Variants in ESR1 observed in about 807,000 individuals in gnomAD.
The protein encoded by ESR1 is estrogen receptor 1.
A neutral mutation model predicts 52.7 loss-of-function variants in ESR1; 12 were observed. The ratio of observed to expected loss-of-function variants is 0.23; its 90% CI spans 0.15 to 0.37. The LOEUF (loss-of-function observed/expected upper bound fraction) is 0.37. Among genes scored for constraint, ESR1 ranks in the 10% least tolerant of loss-of-function variants. The pLI is 1.00. For synonymous variants in ESR1, 305 were observed against 316.8 expected (o/e 0.96, Z 0.39); for missense variants, 584 against 779.7 (o/e 0.75, Z 2.99).
At chr6:151,945,486 G>A (rs1401826865) in intron 4 of ESR1, among the ~76,000 whole-genome samples, 1 of 152,154 alleles carries the variant, frequency 6.6e-6, no homozygotes, top group African/African-American at 2.4e-5. Context: ...TGTTACTCCT[G>A]TTATTCAGGG....
rs941027249 is a variant in ESR1 at position 151,808,346 on chromosome 6, G to A, written c.434G>A (p.Gly145Asp). Residue 145 changes from glycine (G) to aspartate (D), a missense_variant, in exon 1 of 8, where the codon GGC becomes GAC. Gly to Asp is a moderately conservative substitution (Grantham distance 94). Transcript: ENST00000206249. The stretch of plus-strand genomic sequence containing the variant: ...AGCGGCTACACGGTGCGCGAGGCCG[G>A]CCCGCCGGCATTCTACAGGTACCCG... ...EPSGYTVREA[G>D]PPAFYRPNSD... 5 of 1,286,508 alleles carry A rather than the reference G, an allele frequency of 3.9e-6. No individual in the cohort carries two copies. The African/African-American group carries it at 4.5e-5, about 12-fold the overall frequency. 79.7% of individuals were successfully genotyped at this position (1,286,508 alleles called of 1,614,324 possible). A position where few individuals can be genotyped will look rare whatever the true frequency, so the allele number is the denominator to read the frequency against.
chr6:151,726,810 G>C (rs188068890), intron 2 of ESR1, among the ~76,000 whole-genome samples: 1 of 152,124 alleles, frequency 6.6e-6, no homozygotes, highest in African/African-American at 2.4e-5. Context: ...TATATGAGTA[G>C]TGACATTTTT....
At position 151,840,668 on chromosome 6, in the gene ESR1, G is replaced by A. The variant is rs141505253; in HGVS notation, c.453-1929G>A. On this transcript the variant is annotated intron_variant, in intron 1 of 7. Transcript: ENST00000206249. Reference sequence around the variant, plus strand: ...GCGCCAGTGAAAGTCAGTGTGGTTCGGGTATTTGGGTGGGGACTGGAAGCA... The same window carrying A: ...GCGCCAGTGAAAGTCAGTGTGGTTCAGGTATTTGGGTGGGGACTGGAAGCA... 4.9e-3 allele frequency among the ~76,000 whole-genome samples: 746 copies of A among 152,268 alleles called. 7 individuals carry two copies. The highest frequency in any genetic ancestry group is 0.017 in the African/African-American group (713 of 41,540).
At chr6:151,960,522 C>G (rs1351707342) in intron 4 of ESR1, among the ~76,000 whole-genome samples, 2 of 152,118 alleles carry the variant, frequency 1.3e-5, no homozygotes, top group African/African-American at 2.4e-5. Context: ...AGAGTCCTGA[C>G]AGCAAGAGCA....
At chr6:151,936,955 G>T (rs1289090424) in intron 3 of ESR1, among the ~76,000 whole-genome samples, 9 of 152,118 alleles carry the variant, frequency 5.9e-5, no homozygotes, top group African/African-American at 2.2e-4. Context: ...ATAAAATGGG[G>T]TGTTAATTTG....
At chr6:151,989,437 A>G (rs1172899168) in intron 4 of ESR1, among the ~76,000 whole-genome samples, 1 of 152,140 alleles carries the variant, frequency 6.6e-6, no homozygotes, top group East Asian at 1.9e-4. Context: ...TATGGCATTT[A>G]TAGTTACCTC....
chr6:151,767,820 T>C (rs1304167904), intron 2 of ESR1, among the ~76,000 whole-genome samples: 1 of 152,210 alleles, frequency 6.6e-6, no homozygotes. Flanking sequence ...CTGGATCTTA[T>C]GCATCCAATT....
In ESR1 at chr6:152,097,147, T is replaced by TTC. The variant is rs149519536; in HGVS notation, c.1554-1571_1554-1570dup. Among the ~76,000 whole-genome samples, 1,125 of 150,064 alleles carry TTC rather than the reference T, an allele frequency of 7.5e-3. 14 individuals are homozygous for TTC. The highest frequency in any genetic ancestry group is 0.027 in the African/African-American group (1,091 of 41,070). On this transcript the variant is annotated intron_variant, in intron 7 of 7. Coordinates refer to ENST00000206249, the MANE Select transcript of ESR1 (RefSeq NM_000125.4). ...TGCTTCTCTTTCTCTCTCTCTCTCT[T>TTC]TCTCTCTCTCTCTCTGACACACACA...
At chr6:151,753,840 C>T (rs1784083692) in intron 2 of ESR1, among the ~76,000 whole-genome samples, 1 of 152,184 alleles carries the variant, frequency 6.6e-6, no homozygotes, top group Admixed American at 6.5e-5. Context: ...TTCTCTCTTC[C>T]TCTTACCTAT....
At chr6:151,794,129 G>T (rs960083662) in intron 2 of ESR1, among the ~76,000 whole-genome samples, 1 of 152,140 alleles carries the variant, frequency 6.6e-6, no homozygotes. Flanking sequence ...GTTAACAACT[G>T]GATTTTCTCC....
At chr6:151,963,055 T>A (rs1039797205) in intron 4 of ESR1, among the ~76,000 whole-genome samples, 1 of 152,186 alleles carries the variant, frequency 6.6e-6, no homozygotes, top group Non-Finnish European at 1.5e-5. Context: ...CCAAATTATC[T>A]CTTCTCTCTA....
At chr6:151,873,455 AT>A (rs1243987221) in intron 2 of ESR1, among the ~76,000 whole-genome samples, 1 of 152,138 alleles carries the variant, frequency 6.6e-6, no homozygotes, top group Non-Finnish European at 1.5e-5. Context: ...AGCTTATGGA[AT>A]TACCCCCAGA....
downstream of ESR1, among the ~76,000 whole-genome samples, chr6:152,104,312 T>G (rs2051035748): frequency 6.6e-6 from 1 of 152,190 alleles, no homozygotes; most frequent in Admixed American, 6.5e-5. Context: ...TTTTCAATGG[T>G]TTCCTCATTT....
intron 2 of ESR1, among the ~76,000 whole-genome samples, chr6:151,741,473 T>A (rs746121019): frequency 1.3e-4 from 20 of 152,168 alleles, no homozygotes; most frequent in Admixed American, 6.5e-5. Context: ...TCAAGCATAG[T>A]TCATTTACAT....
intron 4 of ESR1, among the ~76,000 whole-genome samples, chr6:151,952,081 C>T (rs913940623): frequency 6.6e-6 from 1 of 152,178 alleles, no homozygotes; most frequent in Non-Finnish European, 1.5e-5. Flanking sequence ...ATTGCATCTG[C>T]AAAGACCTGA....
At chr6:151,993,775 G>T (rs1365577569) in intron 4 of ESR1, among the ~76,000 whole-genome samples, 5 of 152,174 alleles carry the variant, frequency 3.3e-5, no homozygotes, top group African/African-American at 1.2e-4. Context: ...GTTCAGAAAG[G>T]TTGAGTGTCT....
intron 4 of ESR1, among the ~76,000 whole-genome samples, chr6:151,987,055 G>A (rs893449718): frequency 3.9e-5 from 6 of 152,038 alleles, no homozygotes; most frequent in African/African-American, 1.5e-4. Flanking sequence ...CTGAGACCTT[G>A]GTCTTTTCCA....
chr6:151,815,612 A>T (rs1008099709), intron 1 of ESR1, among the ~76,000 whole-genome samples: 4 of 152,240 alleles, frequency 2.6e-5, no homozygotes, highest in African/African-American at 4.8e-5. Flanking sequence ...TCTCAGGAAC[A>T]AAAGTAGAAA....
chr6:151,681,429 G>C (rs1256098167), intron 1 of ESR1, among the ~76,000 whole-genome samples: 2 of 151,790 alleles, frequency 1.3e-5, no homozygotes, highest in South Asian at 4.2e-4. Context: ...GGTGGGGGAG[G>C]CTCAGGGGGA....
Sources: allele counts gnomAD v4.1 joint callset (sites outside exome capture counted in the v4.1 genomes callset), GRCh38; gene constraint gnomAD v4.1.1; transcripts MANE v1.5; gene names NCBI Gene and HGNC (gene_info 2026-07-23, HGNC 2026-07-21).